JAZF1: variants seen among roughly 807,000 people sequenced by gnomAD.
The protein encoded by JAZF1 is juxtaposed with another zinc finger protein 1.
Under a neutral mutation model 26.4 loss-of-function variants are expected in JAZF1, and 8 were observed. The ratio of observed to expected loss-of-function variants is 0.30; its 90% CI spans 0.18 to 0.55. JAZF1 has a LOEUF of 0.55. Ranked by LOEUF, JAZF1 falls within the 20% of genes least tolerant of loss-of-function variation. JAZF1 has a pLI of 0.94. For missense variants in JAZF1, 199 were observed against 322.0 expected (o/e 0.62, Z 2.92); for synonymous variants, 126 against 122.3 (o/e 1.03, Z -0.20).
chr7:27,852,765 G>T lies in JAZF1; in HGVS notation c.386-11898C>A, dbSNP rs148300435. 3.3e-5 allele frequency among the ~76,000 whole-genome samples: 5 copies of T among 152,158 alleles called. No homozygotes were observed. In the East Asian group the frequency reaches 9.7e-4, roughly 29 times the overall value. On this transcript the variant is annotated intron_variant, in intron 3 of 4. Coordinates refer to ENST00000283928, the MANE Select transcript of JAZF1 (RefSeq NM_175061.4). ...GTTCTGATATTATAGCTACTGTTTG[G>T]GCACACTTTATACTATCTTCCCCAT...
intron 3 of JAZF1, among the ~76,000 whole-genome samples, chr7:27,863,496 G>A (rs1305318432): frequency 3.9e-5 from 6 of 152,136 alleles, no homozygotes; most frequent in African/African-American, 7.2e-5. Flanking sequence ...GAGGGAGCCC[G>A]TCCTTGCCCA....
intron 2 of JAZF1, among the ~76,000 whole-genome samples, chr7:27,976,145 C>T (rs903345161): frequency 6.6e-6 from 1 of 152,016 alleles, no homozygotes; most frequent in Admixed American, 6.5e-5. Flanking sequence ...GAGATCGAGA[C>T]CATCCTGGCT....
chr7:27,899,903 A>T (rs1460551583), intron 2 of JAZF1, among the ~76,000 whole-genome samples: 1 of 152,180 alleles, frequency 6.6e-6, no homozygotes. Context: ...TGGTTTTCAC[A>T]GTTGAAAGTG....
chr7:28,066,711 AAAG>A (rs1460958129), intron 1 of JAZF1, among the ~76,000 whole-genome samples: 4 of 152,044 alleles, frequency 2.6e-5, no homozygotes, highest in African/African-American at 9.7e-5. Context: ...CCTGCTTGGA[AAAG>A]AAGTGTCTGT....
intron 1 of JAZF1, among the ~76,000 whole-genome samples, chr7:28,124,820 A>C (rs1782669635): frequency 6.6e-6 from 1 of 152,250 alleles, no homozygotes; most frequent in Admixed American, 6.5e-5. Context: ...TGATCAGATC[A>C]ATACTACAAA....
chr7:27,865,011 A>G (rs1029220867), intron 3 of JAZF1, among the ~76,000 whole-genome samples: 4 of 152,178 alleles, frequency 2.6e-5, no homozygotes, highest in Non-Finnish European at 5.9e-5. Flanking sequence ...TGTGAGATCA[A>G]TTTAATGGGG....
intron 2 of JAZF1, among the ~76,000 whole-genome samples, chr7:27,976,412 A>G (rs38503): frequency 1 from 150,598 of 151,084 alleles, 75,059 homozygotes; most frequent in Middle Eastern, 1. Context: ...ACCAAATCAA[A>G]TTACAGATAT....
chr7:27,889,692 G>A (rs1420556253), intron 3 of JAZF1, among the ~76,000 whole-genome samples: 1 of 152,192 alleles, frequency 6.6e-6, no homozygotes, highest in Non-Finnish European at 1.5e-5. Context: ...AGCACCTTGG[G>A]AGGCTGAGGC....
intron 2 of JAZF1, among the ~76,000 whole-genome samples, chr7:27,976,195 A>C (rs1346618669): frequency 2.6e-5 from 4 of 152,028 alleles, no homozygotes; most frequent in Non-Finnish European, 5.9e-5. Flanking sequence ...ATACAAAAAA[A>C]ATTAGCCGGG....
chr7:27,881,723 A>G (rs1783775734), intron 3 of JAZF1, among the ~76,000 whole-genome samples: 1 of 152,220 alleles, frequency 6.6e-6, no homozygotes, highest in South Asian at 2.1e-4. Flanking sequence ...GGATAACCCC[A>G]GACAGTTCTG....
chr7:27,979,048 AT>A (rs2128361628), intron 2 of JAZF1, among the ~76,000 whole-genome samples: 1 of 152,296 alleles, frequency 6.6e-6, no homozygotes, highest in South Asian at 2.1e-4. Context: ...ACTAGGTTAA[AT>A]AAAAATAATT....
At position 28,022,924 on chromosome 7, in the gene JAZF1, G is replaced by A. The variant is rs151315695; in HGVS notation, c.116-30943C>T. Among the ~76,000 whole-genome samples, 337 of 152,230 alleles carry A rather than the reference G, an allele frequency of 2.2e-3. 2 individuals carry two copies. In the East Asian group the frequency reaches 0.025, roughly 11 times the overall value. On this transcript the variant is annotated intron_variant, in intron 1 of 4. Transcript: ENST00000283928. ...GGCACGTGCCACCATATTTCACTTT[G>A]TAAAAAATTACCAAATTACATAAAG...
intron 2 of JAZF1, among the ~76,000 whole-genome samples, chr7:27,971,768 G>A (rs1312913515): frequency 1.3e-5 from 2 of 152,156 alleles, no homozygotes; most frequent in South Asian, 2.1e-4. Flanking sequence ...TGTGTATGGT[G>A]GGGGTGGAAG....
At chr7:27,957,079 T>TC (rs1785107707) in intron 2 of JAZF1, among the ~76,000 whole-genome samples, 1 of 152,080 alleles carries the variant, frequency 6.6e-6, no homozygotes, top group South Asian at 2.1e-4. Context: ...TTCCCTCCCT[T>TC]CCCCCAGTGG....
chr7:28,056,882 C>G (rs1341017637), intron 1 of JAZF1, among the ~76,000 whole-genome samples: 1 of 152,122 alleles, frequency 6.6e-6, no homozygotes, highest in Non-Finnish European at 1.5e-5. Flanking sequence ...CTGAGGGCTG[C>G]CTGTACTCTC....
intron 2 of JAZF1, among the ~76,000 whole-genome samples, chr7:27,912,211 G>A (rs185058068): frequency 3.3e-5 from 5 of 152,306 alleles, no homozygotes; most frequent in Non-Finnish European, 7.4e-5. Context: ...ATTGGTACCC[G>A]CTGTGAAGGG....
At chr7:28,007,176 T>C (rs1344023604) in intron 1 of JAZF1, among the ~76,000 whole-genome samples, 3 of 152,208 alleles carry the variant, frequency 2.0e-5, no homozygotes, top group Non-Finnish European at 2.9e-5. Context: ...CGTCTGACTC[T>C]AGGCATAGAA....
intron 3 of JAZF1, among the ~76,000 whole-genome samples, chr7:27,855,840 G>A (rs781068181): frequency 6.6e-6 from 1 of 152,006 alleles, no homozygotes; most frequent in Admixed American, 6.5e-5. Context: ...AGAAAAAGAG[G>A]GACTCCTCCC....
intron 1 of JAZF1, among the ~76,000 whole-genome samples, chr7:28,039,870 C>T (rs1406827006): frequency 2.0e-5 from 3 of 152,170 alleles, no homozygotes; most frequent in Non-Finnish European, 4.4e-5. Flanking sequence ...CTTTGAAATT[C>T]ACTATACTTG....
Sources: allele counts gnomAD v4.1 joint callset (sites outside exome capture counted in the v4.1 genomes callset), GRCh38; gene constraint gnomAD v4.1.1; transcripts MANE v1.5; gene names NCBI Gene and HGNC (gene_info 2026-07-23, HGNC 2026-07-21).